The following PLEKHH2 variants were observed in gnomAD, a reference collection of about 807,000 sequenced individuals.
PLEKHH2 encodes the protein pleckstrin homology, MyTH4 and FERM domain containing H2, also known as pleckstrin homology domain-containing family H member 2.
A neutral mutation model predicts 187.9 loss-of-function variants in PLEKHH2; 129 were observed. The ratio of observed to expected loss-of-function variants is 0.69; its 90% confidence interval spans 0.59 to 0.79. The LOEUF (loss-of-function observed/expected upper bound fraction) is 0.79, where lower values mean the gene tolerates loss of function less well. Among genes scored for constraint, PLEKHH2 ranks in the 30% least tolerant of loss-of-function variants. PLEKHH2 has a pLI of 0.00. For missense variants in PLEKHH2, 2,076 were observed against 1,751.2 expected (o/e 1.19, Z -3.31); for synonymous variants, 686 against 605.6 (o/e 1.13, Z -1.95).
intron 27 of PLEKHH2, among the ~76,000 whole-genome samples, chr2:43,760,514 C>A (rs1210309195): frequency 4.6e-5 from 7 of 152,046 alleles, no homozygotes; most frequent in African/African-American, 1.7e-4. Flanking sequence ...AGGCGCACAC[C>A]ACCACGCTCA....
chr2:43,704,558 G>T, intron 9 of PLEKHH2, among the ~76,000 whole-genome samples: 1 of 151,252 alleles, frequency 6.6e-6, no homozygotes, highest in East Asian at 1.9e-4. Context: ...AGCTACTCGG[G>T]AGGTTGAGGC....
At chr2:43,679,456 C>T (rs898413595) in intron 3 of PLEKHH2, 1 of 326,230 alleles carries the variant, frequency 3.1e-6, no homozygotes, top group Admixed American at 4.3e-5. Flanking sequence ...CAAATGTTTA[C>T]AATTGTTTGA....
Position 43,733,117 on chromosome 2 carries a change from C to T in PLEKHH2, c.2943+1515C>T, listed in dbSNP as rs180852279. The stretch of plus-strand genomic sequence containing the variant: ...GTGGCTCACGCCTGTAATCCCAGCA[C>T]TTTGGAAGGCCGAGGCGGGCAGATC... On this transcript the variant is annotated intron_variant, in intron 19 of 29. Transcript: ENST00000282406. Among the ~76,000 whole-genome samples, 3 of 152,298 alleles carry T rather than the reference C, an allele frequency of 2.0e-5. No homozygotes were observed. The East Asian group carries it at 5.8e-4, about 29-fold the overall frequency.
intron 2 of PLEKHH2, among the ~76,000 whole-genome samples, chr2:43,649,114 C>A (rs1177708931): frequency 6.6e-6 from 1 of 151,884 alleles, no homozygotes; most frequent in Non-Finnish European, 1.5e-5. Flanking sequence ...AAGAAAAAGG[C>A]CTTATTGAAG....
intron 24 of PLEKHH2, 89 bp downstream of exon 24, chr2:43,746,052 T>A: frequency 1.4e-6 from 1 of 692,186 alleles, no homozygotes; most frequent in African/African-American, 1.9e-5. Flanking sequence ...TTGAATGCCT[T>A]AAAAGTTATT....
chr2:43,700,102 T>G lies in PLEKHH2; in HGVS notation c.1144T>G (p.Ser382Ala), dbSNP rs1208416416. 1 of 1,613,970 alleles carries G rather than the reference T, an allele frequency of 6.2e-7. No individual in the cohort carries two copies. Among genetic ancestry groups the G allele is most frequent in the East Asian group, 2.2e-5 (1 of 44,894 alleles). The change falls in exon 8 of 30, where the codon TCC becomes GCC. Residue 382 changes from serine to alanine, a missense_variant. Ser to Ala is a moderately conservative substitution (Grantham distance 99). Coordinates refer to ENST00000282406, the MANE Select transcript of PLEKHH2 (RefSeq NM_172069.4). The part of the protein sequence containing the change: ...SELSKKEQDS[S>A]SDELNKKFQS... Reference sequence around the variant, plus strand: ...ATTAAGTAAAAAGGAACAAGATAGTTCCTCGGATGAACTGAATAAAAAATT... The same window carrying G: ...ATTAAGTAAAAAGGAACAAGATAGTGCCTCGGATGAACTGAATAAAAAATT...
intron 24 of PLEKHH2, among the ~76,000 whole-genome samples, chr2:43,749,012 C>A (rs962492148): frequency 6.6e-6 from 1 of 152,174 alleles, no homozygotes; most frequent in African/African-American, 2.4e-5. Flanking sequence ...CCGCCTCGGC[C>A]TCCCAAAGTG....
intron 8 of PLEKHH2, among the ~76,000 whole-genome samples, chr2:43,701,314 T>C (rs7560659): frequency 0.59 from 89,970 of 152,050 alleles, 28,018 homozygotes; most frequent in African/African-American, 0.78. Flanking sequence ...GGAGAGGAAG[T>C]TGCCAGGCTC....
chr2:43,671,044 C>T (rs1238775567), intron 2 of PLEKHH2, among the ~76,000 whole-genome samples: 2 of 150,508 alleles, frequency 1.3e-5, no homozygotes, highest in African/African-American at 2.4e-5. Flanking sequence ...GAGTGTGATG[C>T]GTAATCTCGG....
At chr2:43,711,800 A>T (rs1054650554) in intron 14 of PLEKHH2, 1 of 436,954 alleles carries the variant, frequency 2.3e-6, no homozygotes, top group Non-Finnish European at 3.1e-6. Flanking sequence ...AGGCCGAGGC[A>T]GGAGAATGGT....
intron 7 of PLEKHH2, among the ~76,000 whole-genome samples, chr2:43,697,890 T>C (rs2104478890): frequency 6.6e-6 from 1 of 152,324 alleles, no homozygotes; most frequent in East Asian, 1.9e-4. Flanking sequence ...AATGTTTTCC[T>C]AGATATTTAA....
chr2:43,660,554 G>A (rs1254448739), intron 2 of PLEKHH2, among the ~76,000 whole-genome samples: 3 of 142,270 alleles, frequency 2.1e-5, no homozygotes, highest in Non-Finnish European at 4.5e-5. Context: ...GTGCCATGCT[G>A]GTGCGCTGCA....
In PLEKHH2 at chr2:43,741,096, G is replaced by A. The variant is rs371743825; in HGVS notation, c.3221+53G>A. 1.3e-3 allele frequency: 1,994 copies of A among 1,486,764 alleles called. 6 individuals are homozygous for A. The highest frequency in any genetic ancestry group is 1.7e-3 in the Non-Finnish European group (1,868 of 1,075,646). 92.1% of individuals were successfully genotyped at this position (1,486,764 alleles called of 1,614,324 possible). On this transcript the variant is annotated intron_variant, in intron 21 of 29. Transcript: ENST00000282406. Reference sequence around the variant, plus strand: ...GTTTATGTGGCCTCTGAAAGTCTACGATAAATCATAAGTATTTAACGATCT... The same window carrying A: ...GTTTATGTGGCCTCTGAAAGTCTACAATAAATCATAAGTATTTAACGATCT...
chr2:43,747,661 A>ACC (rs1671836077), intron 24 of PLEKHH2, among the ~76,000 whole-genome samples: 1 of 152,176 alleles, frequency 6.6e-6, no homozygotes, highest in African/African-American at 2.4e-5. Context: ...AACACTGTTA[A>ACC]CTGACCAGCT....
chr2:43,676,533 A>G (rs1273613742), intron 2 of PLEKHH2, among the ~76,000 whole-genome samples: 1 of 151,936 alleles, frequency 6.6e-6, no homozygotes, highest in Non-Finnish European at 1.5e-5. Flanking sequence ...GGTGAGAGGT[A>G]TACCAGGAGT....
intron 15 of PLEKHH2, among the ~76,000 whole-genome samples, chr2:43,715,217 A>G (rs548261928): frequency 6.6e-6 from 1 of 152,212 alleles, no homozygotes; most frequent in South Asian, 2.1e-4. Context: ...TGGAGGTTGA[A>G]ATCAGCTGTG....
chr2:43,680,739 A>G lies in PLEKHH2; in HGVS notation c.186+1814A>G, dbSNP rs184335458. Reference sequence around the variant, plus strand: ...ATTTATCACTTGTAAATCTTTCAGAAGGACCTCTATATGTGGCAGCCGTAC... The same window carrying G: ...ATTTATCACTTGTAAATCTTTCAGAGGGACCTCTATATGTGGCAGCCGTAC... On this transcript the variant is annotated intron_variant, in intron 3 of 29. Coordinates refer to ENST00000282406, the MANE Select transcript of PLEKHH2 (RefSeq NM_172069.4). 1,033 of 412,268 alleles carry G rather than the reference A, an allele frequency of 2.5e-3. 23 individuals carry two copies. Among genetic ancestry groups the G allele is most frequent in the East Asian group, 1.3e-3 (21 of 15,670 alleles). The allele number at this position is 412,268 out of a possible 1,614,324, so 25.5% of individuals were successfully genotyped here. A position where few individuals can be genotyped will look rare whatever the true frequency, so the allele number is the denominator to read the frequency against.
chr2:43,700,714 G>A (rs1489134969), intron 8 of PLEKHH2, 106 bp downstream of exon 8: 35 of 1,380,180 alleles, frequency 2.5e-5, no homozygotes, highest in African/African-American at 1.3e-4. Context: ...GTGCAGTGGC[G>A]CGATCTTGGC....
At chr2:43,738,782 A>G (rs930612928) in intron 20 of PLEKHH2, among the ~76,000 whole-genome samples, 2 of 152,220 alleles carry the variant, frequency 1.3e-5, no homozygotes, top group Non-Finnish European at 1.5e-5. Flanking sequence ...TATAGAAAAT[A>G]ATCGTTTCCC....
Sources: allele counts gnomAD v4.1 joint callset (sites outside exome capture counted in the v4.1 genomes callset), GRCh38; gene constraint gnomAD v4.1.1; transcripts MANE v1.5; gene names NCBI Gene and HGNC (gene_info 2026-07-23, HGNC 2026-07-21).